Variants in PAX8 observed in about 807,000 individuals in gnomAD.
The protein encoded by PAX8 is paired box protein Pax-8.
In PAX8, 15 loss-of-function variants were observed where a neutral mutation model predicts 52.4. The ratio of observed to expected loss-of-function variants is 0.29; its 90% CI spans 0.19 to 0.44. PAX8 has a LOEUF of 0.44. Among genes scored for constraint, PAX8 ranks in the 20% least tolerant of loss-of-function variants. PAX8 has a pLI of 1.00. For missense variants in PAX8, 554 were observed against 602.5 expected (o/e 0.92, Z 0.84); for synonymous variants, 284 against 249.7 (o/e 1.14, Z -1.29).
intron 2 of PAX8, among the ~76,000 whole-genome samples, chr2:113,264,144 G>T (rs561866953): frequency 6.3e-4 from 96 of 152,234 alleles, no homozygotes; most frequent in African/African-American, 2.2e-3. Flanking sequence ...CTGCCAAGTC[G>T]ACACCCAGCA....
chr2:113,218,472 T>C lies in PAX8; in HGVS notation c.*61A>G. The C allele has an allele frequency of 1.0e-6, 1 of 961,508 alleles. No individual in the cohort carries two copies. Among genetic ancestry groups the C allele is most frequent in the South Asian group, 1.6e-5 (1 of 62,004 alleles). The allele number at this position is 961,508 out of a possible 1,614,324, so 59.6% of individuals were successfully genotyped here. ...ATAAAGATTCCTTTGTGTGACTCTC[T>C]GGGGCCTGTCCCAGGCTGAGTCCTC... is the stretch of plus-strand genomic sequence containing the variant. On this transcript the variant is annotated 3_prime_UTR_variant, in exon 12 of 12. Transcript: ENST00000429538.
At chr2:113,261,217 T>G (rs1204445380) in intron 2 of PAX8, among the ~76,000 whole-genome samples, 1 of 152,098 alleles carries the variant, frequency 6.6e-6, no homozygotes, top group Non-Finnish European at 1.5e-5. Context: ...GTGCTGAGAA[T>G]TAGGAGGCCT....
chr2:113,217,840 G>A lies in PAX8; in HGVS notation c.*693C>T, dbSNP rs945170821. 3 of 233,300 alleles carry A rather than the reference G, an allele frequency of 1.3e-5. No individual in the cohort carries two copies. Among genetic ancestry groups the A allele is most frequent in the Non-Finnish European group, 2.5e-5 (3 of 118,206 alleles). The allele number at this position is 233,300 out of a possible 1,614,324, so 14.5% of individuals were successfully genotyped here. A position where few individuals can be genotyped will look rare whatever the true frequency, so the allele number is the denominator to read the frequency against. Reference sequence around the variant, plus strand: ...CTGCCAAGGGGATGCCGCACTGCAGGAGGACCTGGGGTGGTGCTATACCTT... The same window carrying A: ...CTGCCAAGGGGATGCCGCACTGCAGAAGGACCTGGGGTGGTGCTATACCTT... On this transcript the variant is annotated 3_prime_UTR_variant, in exon 12 of 12. Coordinates refer to ENST00000429538, the MANE Select transcript of PAX8 (RefSeq NM_003466.4).
intron 2 of PAX8, among the ~76,000 whole-genome samples, chr2:113,277,381 G>T (rs1162468317): frequency 9.2e-5 from 14 of 152,232 alleles, no homozygotes; most frequent in Admixed American, 6.5e-5. Context: ...CTCGCTGCGC[G>T]CCCGATCCGA....
intron 11 of PAX8, 117 bp downstream of exon 11, chr2:113,219,975 C>G: frequency 2.9e-6 from 2 of 694,116 alleles, no homozygotes; most frequent in South Asian, 3.4e-5. Context: ...CACCATCTCC[C>G]AGGCCCTCTG....
chr2:113,229,267 T>C (rs1212317852), intron 9 of PAX8, among the ~76,000 whole-genome samples: 2 of 152,130 alleles, frequency 1.3e-5, no homozygotes, highest in Admixed American at 6.5e-5. Context: ...GTCAGTTTCT[T>C]CATATGCAAA....
intron 3 of PAX8, among the ~76,000 whole-genome samples, chr2:113,246,240 T>C (rs941620652): frequency 6.6e-6 from 1 of 152,218 alleles, no homozygotes; most frequent in Non-Finnish European, 1.5e-5. Context: ...AGTATTGCTA[T>C]TTAAAAATCA....
In PAX8 at chr2:113,277,997, G is replaced by A. The variant is rs544586656; in HGVS notation, c.25+373C>T. Among the ~76,000 whole-genome samples the A allele has an allele frequency of 2.0e-3, 305 of 152,312 alleles. 8 individuals are homozygous for A. Among genetic ancestry groups the A allele is most frequent in the East Asian group, 1.4e-3 (7 of 5,180 alleles). On this transcript the variant is annotated intron_variant, in intron 2 of 11. Coordinates refer to ENST00000429538, the MANE Select transcript of PAX8 (RefSeq NM_003466.4). ...GGAAGAGGACTTAGAGGTCGGGGAC[G>A]GGGAAACGGCAAGTCCAGCACCGGT...
Position 113,244,494 on chromosome 2 carries a change from G to T in PAX8, c.322C>A (p.Arg108=). 6.2e-7 allele frequency: 1 copy of T among 1,614,134 alleles called. No homozygotes were observed. Among genetic ancestry groups the T allele is most frequent in the African/African-American group, 1.3e-5 (1 of 75,030 alleles). Residue 108 remains arginine (R), a synonymous_variant, in exon 4 of 12, where the codon CGA becomes AGA. Coordinates refer to ENST00000429538, the MANE Select transcript of PAX8 (RefSeq NM_003466.4). ...QNPTMFAWEI[R]DRLLAEGVCD... is the part of the protein sequence containing the mutation. ...ACGCCCTCAGCCAGGAGCCGGTCTC[G>T]GATCTCCCAGGCAAACATGGTAGGG...
At chr2:113,242,356 T>A (rs978853281) in intron 5 of PAX8, among the ~76,000 whole-genome samples, 2 of 147,552 alleles carry the variant, frequency 1.4e-5, no homozygotes, top group African/African-American at 4.9e-5. Context: ...TCACAGTCCC[T>A]GCTGACACTG....
At chr2:113,272,128 AG>A (rs1693501309) in intron 2 of PAX8, 1 of 96,960 alleles carries the variant, frequency 1.0e-5, no homozygotes, top group African/African-American at 4.5e-5. Flanking sequence ...GAAGAAACAC[AG>A]AAACAGAACC....
In PAX8 at chr2:113,277,037, C is replaced by T. The variant is rs542118822; in HGVS notation, c.25+1333G>A. 3.9e-5 allele frequency among the ~76,000 whole-genome samples: 6 copies of T among 152,304 alleles called. No individual in the cohort carries two copies. The East Asian group carries it at 1.2e-3, about 29-fold the overall frequency. ...TAGGAGCGCTCGTGGTTCCAGGACGCGGACCGTAAAGAGGTGCCAGGGAGC... is the reference window on the plus strand; with the variant it reads ...TAGGAGCGCTCGTGGTTCCAGGACGTGGACCGTAAAGAGGTGCCAGGGAGC... On this transcript the variant is annotated intron_variant, in intron 2 of 11. Coordinates refer to ENST00000429538, the MANE Select transcript of PAX8 (RefSeq NM_003466.4).
At chr2:113,255,868 G>T (rs1055685606) in intron 2 of PAX8, among the ~76,000 whole-genome samples, 2 of 152,144 alleles carry the variant, frequency 1.3e-5, no homozygotes, top group Non-Finnish European at 2.9e-5. Flanking sequence ...GGAGGCAGAG[G>T]GTTAGCAGCA....
At chr2:113,243,692 T>C (rs1026836968) in intron 4 of PAX8, among the ~76,000 whole-genome samples, 1 of 152,234 alleles carries the variant, frequency 6.6e-6, no homozygotes, top group Non-Finnish European at 1.5e-5. Context: ...GCACCTGGCC[T>C]ATCTACTGGT....
At chr2:113,253,782 A>G (rs938120169) in intron 2 of PAX8, among the ~76,000 whole-genome samples, 1 of 152,176 alleles carries the variant, frequency 6.6e-6, no homozygotes, top group Non-Finnish European at 1.5e-5. Flanking sequence ...GGTAGCATCA[A>G]ATATAACTGC....
chr2:113,241,255 C>T, intron 7 of PAX8: 1 of 531,610 alleles, frequency 1.9e-6, no homozygotes, highest in Non-Finnish European at 3.4e-6. Context: ...CGTGATGTTG[C>T]AATCTGGGAA....
intron 2 of PAX8, among the ~76,000 whole-genome samples, chr2:113,261,922 G>A (rs918418055): frequency 5.3e-5 from 8 of 151,734 alleles, no homozygotes; most frequent in Admixed American, 3.9e-4. Flanking sequence ...CGCCCCACCC[G>A]GGTTCAAGCA....
At chr2:113,234,108 T>C (rs1690091500) in intron 9 of PAX8, among the ~76,000 whole-genome samples, 1 of 152,248 alleles carries the variant, frequency 6.6e-6, no homozygotes, top group African/African-American at 2.4e-5. Flanking sequence ...ATTCCTCCAA[T>C]GCTGAACTGA....
intron 10 of PAX8, chr2:113,226,397 T>C (rs1419672754): frequency 2.0e-6 from 2 of 985,856 alleles, no homozygotes; most frequent in Non-Finnish European, 2.4e-6. Context: ...CCTACATGGC[T>C]CCTAAAAAAT....
Sources: allele counts gnomAD v4.1 joint callset (sites outside exome capture counted in the v4.1 genomes callset), GRCh38; gene constraint gnomAD v4.1.1; transcripts MANE v1.5; gene names NCBI Gene and HGNC (gene_info 2026-07-23, HGNC 2026-07-21).